Variants in SLC25A42 observed in about 807,000 individuals in gnomAD.
SLC25A42 encodes the protein mitochondrial coenzyme A transporter SLC25A42.
Under a neutral mutation model 34.7 loss-of-function variants are expected in SLC25A42, and 19 were observed. The ratio of observed to expected loss-of-function variants is 0.55; its 90% confidence interval spans 0.38 to 0.80. SLC25A42 has a LOEUF of 0.80. SLC25A42 is among the 30% of genes least tolerant of loss of function. SLC25A42 has a pLI of 0.00. For missense variants in SLC25A42, 364 were observed against 441.3 expected, an observed-to-expected ratio of 0.82 and a Z score of 1.57; for synonymous variants, 205 against 191.2, an observed-to-expected ratio of 1.07 and a Z score of -0.59.
In SLC25A42 at chr19:19,110,764, G is replaced by A. The variant is rs1213053769; in HGVS notation, c.845G>A (p.Arg282His). 2 of 1,613,308 alleles carry A rather than the reference G, an allele frequency of 1.2e-6. No individual in the cohort carries two copies. Among genetic ancestry groups the A allele is most frequent in the Non-Finnish European group, 1.7e-6 (2 of 1,179,876 alleles). Reference protein sequence around the residue: ...RTIVREEGAVRGLYKGLSMNW... With the variant: ...RTIVREEGAVHGLYKGLSMNW... ...ATCGTGCGGGAGGAGGGCGCCGTGC[G>A]CGGCCTCTACAAAGGCTTGAGCATG... The change falls in exon 8 of 8, where the codon CGC becomes CAC. Residue 282 changes from arginine (R) to histidine (H), a missense_variant. By Grantham distance (29) the Arg-to-His change is conservative. Transcript: ENST00000318596.
At chr19:19,097,815 C>T (rs1389031568) in intron 2 of SLC25A42, among the ~76,000 whole-genome samples, 1 of 151,946 alleles carries the variant, frequency 6.6e-6, no homozygotes, top group Admixed American at 6.6e-5. Context: ...ATACAAAAAT[C>T]GGCCAGGCGT....
intron 1 of SLC25A42, among the ~76,000 whole-genome samples, chr19:19,093,468 T>C (rs994053970): frequency 6.6e-6 from 1 of 152,242 alleles, no homozygotes; most frequent in African/African-American, 2.4e-5. Context: ...TTAATATTAA[T>C]GGAGCTCCAC....
chr19:19,075,874 C>T (rs1419575457), intron 1 of SLC25A42, among the ~76,000 whole-genome samples: 1 of 152,182 alleles, frequency 6.6e-6, no homozygotes, highest in Non-Finnish European at 1.5e-5. Context: ...CTTCCCCTCC[C>T]CTGAAGAAAG....
chr19:19,096,055 C>T, intron 1 of SLC25A42, 36 bp from the exon 2 acceptor site: 3 of 1,358,450 alleles, frequency 2.2e-6, no homozygotes, highest in South Asian at 1.2e-5. Flanking sequence ...CTCTCAGGAT[C>T]TCGCCGTATC....
Position 19,110,803 on chromosome 19 carries a change from G to A in SLC25A42, c.884G>A (p.Gly295Asp). ...GGCTTGAGCATGAACTGGGTCAAGGGTCCCATCGCCGTGGGCATCAGCTTC... is the reference window on the plus strand; with the variant it reads ...GGCTTGAGCATGAACTGGGTCAAGGATCCCATCGCCGTGGGCATCAGCTTC... ...YKGLSMNWVK[G>D]PIAVGISFTT... Residue 295 changes from glycine to aspartate, a missense_variant, in exon 8 of 8, where the codon GGT becomes GAT. Coordinates refer to ENST00000318596, the MANE Select transcript of SLC25A42 (RefSeq NM_178526.5). 2 of 1,613,908 alleles carry A rather than the reference G, an allele frequency of 1.2e-6. No homozygotes were observed. Among genetic ancestry groups the A allele is most frequent in the Non-Finnish European group, 1.7e-6 (2 of 1,180,014 alleles).
At chr19:19,095,211 A>G (rs1433657268) in intron 1 of SLC25A42, among the ~76,000 whole-genome samples, 2 of 52,772 alleles carry the variant, frequency 3.8e-5, no homozygotes, top group Non-Finnish European at 9.4e-5. Flanking sequence ...AGCAAAAACA[A>G]AAACAAAAAA....
At chr19:19,105,134 G>A in intron 4 of SLC25A42, 196 bp downstream of exon 4, 4 of 650,888 alleles carry the variant, frequency 6.1e-6, no homozygotes, top group Non-Finnish European at 2.7e-6. Flanking sequence ...CGGCAGTGGG[G>A]TGGGGAGACT....
intron 3 of SLC25A42, 60 bp downstream of exon 3, chr19:19,101,946 T>A: frequency 1.8e-6 from 2 of 1,134,864 alleles, no homozygotes; most frequent in Non-Finnish European, 2.6e-6. Context: ...TCCTCCTTCA[T>A]GGCCCCCAAA....
At chr19:19,105,163 C>A (rs1467095538) in intron 4 of SLC25A42, 3 of 595,552 alleles carry the variant, frequency 5.0e-6, no homozygotes, top group Admixed American at 3.0e-5. Flanking sequence ...CTAAAACAAC[C>A]TTTTCATGTT....
chr19:19,088,473 T>G lies in SLC25A42; in HGVS notation c.-34-7618T>G, dbSNP rs368115419. On this transcript the variant is annotated intron_variant, in intron 1 of 7. Coordinates refer to ENST00000318596, the MANE Select transcript of SLC25A42 (RefSeq NM_178526.5). ...TGCCTGCGTCGGCCTCCCAAAGTGC[T>G]GGGATTACAGGTGTGAGCCACCGCG... Among the ~76,000 whole-genome samples the G allele has an allele frequency of 1.3e-3, 196 of 152,094 alleles. 5 individuals are homozygous for G. In the South Asian group the frequency reaches 0.035, roughly 27 times the overall value.
rs201528933 is a variant in SLC25A42 at position 19,106,238 on chromosome 19, C to T, written c.381-31C>T. 566 of 1,579,862 alleles carry T rather than the reference C, an allele frequency of 3.6e-4. 1 individual carries two copies. The highest frequency in any genetic ancestry group is 6.1e-4 in the Admixed American group (36 of 58,984). The stretch of plus-strand genomic sequence containing the variant: ...CTGTGCATCTGCAACCCCCTCACTG[C>T]CGTCTCGCCTTCTCCTCCTGCCCTG... On this transcript the variant is annotated intron_variant, in intron 5 of 7. Coordinates refer to ENST00000318596, the MANE Select transcript of SLC25A42 (RefSeq NM_178526.5).
intron 6 of SLC25A42, among the ~76,000 whole-genome samples, chr19:19,107,190 G>A (rs2059835649): frequency 6.6e-6 from 1 of 151,252 alleles, no homozygotes; most frequent in Non-Finnish European, 1.5e-5. Flanking sequence ...GATGGCATAC[G>A]CCTGTGATCC....
chr19:19,103,765 C>T (rs903241629), intron 3 of SLC25A42, among the ~76,000 whole-genome samples: 43 of 152,294 alleles, frequency 2.8e-4, no homozygotes, highest in African/African-American at 8.7e-4. Flanking sequence ...CACCTTGAGC[C>T]GATCCCCTAC....
chr19:19,089,699 C>G (rs1031480656), intron 1 of SLC25A42, among the ~76,000 whole-genome samples: 14 of 151,924 alleles, frequency 9.2e-5, no homozygotes, highest in African/African-American at 2.7e-4. Context: ...GAAACCCCGT[C>G]TCTACAGAAA....
rs565755357 is a variant in SLC25A42 at position 19,081,145 on chromosome 19, G to A, written c.-34-14946G>A. 2.6e-5 allele frequency among the ~76,000 whole-genome samples: 4 copies of A among 151,794 alleles called. No homozygotes were observed. The East Asian group carries it at 5.8e-4, about 22-fold the overall frequency. On this transcript the variant is annotated intron_variant, in intron 1 of 7. Transcript: ENST00000318596. The surrounding 1 kb of genome is among the most constrained non-coding windows in gnomAD (Gnocchi z 4.5). ...AAAAAAAGAAGAAAGAAAGAATAAA[G>A]AAAAGAAAGGAGGGAGGAAGGGAGG...
intron 1 of SLC25A42, among the ~76,000 whole-genome samples, chr19:19,079,159 G>A (rs112216662): frequency 0.01 from 1,589 of 152,008 alleles, 17 homozygotes; most frequent in African/African-American, 0.034. Flanking sequence ...TGGTTCAAGC[G>A]ATTCTCCTGC....
intron 1 of SLC25A42, among the ~76,000 whole-genome samples, chr19:19,087,937 G>A (rs989638959): frequency 7.2e-5 from 11 of 152,220 alleles, no homozygotes; most frequent in African/African-American, 2.7e-4. Context: ...GGTTGCTTAG[G>A]GAAGCACAAT....
At chr19:19,075,456 G>A (rs190392564) in intron 1 of SLC25A42, among the ~76,000 whole-genome samples, 170 of 152,322 alleles carry the variant, frequency 1.1e-3, no homozygotes, top group African/African-American at 3.7e-3. Flanking sequence ...CTGCCTGGCC[G>A]CTGGTAGTCA....
chr19:19,076,233 C>T (rs1344976094), intron 1 of SLC25A42, among the ~76,000 whole-genome samples: 7 of 151,788 alleles, frequency 4.6e-5, no homozygotes, highest in Non-Finnish European at 7.4e-5. Flanking sequence ...GAGGCTGAGG[C>T]GGGTGGATAC....
Sources: allele counts gnomAD v4.1 joint callset (sites outside exome capture counted in the v4.1 genomes callset), GRCh38; gene constraint gnomAD v4.1.1; non-coding constraint Gnocchi (gnomAD v3.1); transcripts MANE v1.5; gene names NCBI Gene and HGNC (gene_info 2026-07-23, HGNC 2026-07-21).